Variants in NTN1 observed in about 807,000 individuals in gnomAD.
The protein encoded by NTN1 is netrin 1.
NTN1 carries 11 observed loss-of-function variants against 54.2 expected under a neutral mutation model. The ratio of observed to expected loss-of-function variants is 0.20; its 90% CI spans 0.13 to 0.34. The LOEUF (loss-of-function observed/expected upper bound fraction) is 0.34, where lower values mean the gene tolerates loss of function less well. NTN1 is among the 10% of genes least tolerant of loss of function. The probability of loss-of-function intolerance (pLI) is 1.00; values close to 1 mark genes in which losing one functional copy is unlikely to be tolerated. For synonymous variants in NTN1, 371 were observed against 382.0 expected, an observed-to-expected ratio of 0.97 and a Z score of 0.33; for missense variants, 740 against 893.1, an observed-to-expected ratio of 0.83 and a Z score of 2.18.
intron 2 of NTN1, among the ~76,000 whole-genome samples, chr17:9,127,076 G>T (rs904592035): frequency 3.4e-5 from 5 of 146,332 alleles, no homozygotes; most frequent in Middle Eastern, 3.3e-3. Flanking sequence ...AGGGCCGGGG[G>T]GGGGCAGGAC....
At position 9,243,778 on chromosome 17, in the gene NTN1, G is replaced by A. The variant is rs1212460787; in HGVS notation, c.*3810G>A. On this transcript the variant is annotated 3_prime_UTR_variant, in exon 7 of 7. Transcript: ENST00000173229. ...TGTTTAGTTGTGACCATGACGTATT[G>A]TTTGGGTCAATGTCCCTTTCCAATG... 1 of 150,978 alleles carries A rather than the reference G, an allele frequency of 6.6e-6. No homozygotes were observed. The highest frequency in any genetic ancestry group is 1.5e-5 in the Non-Finnish European group (1 of 67,904). 9.4% of individuals were successfully genotyped at this position (150,978 alleles called of 1,614,324 possible).
chr17:9,108,669 T>C (rs1228225202), intron 2 of NTN1, among the ~76,000 whole-genome samples: 1 of 152,150 alleles, frequency 6.6e-6, no homozygotes, highest in Non-Finnish European at 1.5e-5. Context: ...CTCAGGTCCA[T>C]CTCCAAATCC....
upstream of NTN1, among the ~76,000 whole-genome samples, chr17:9,021,285 C>T (rs1311240424): frequency 1.3e-5 from 2 of 151,944 alleles, no homozygotes; most frequent in African/African-American, 4.8e-5. Context: ...GGGGTTTCCC[C>T]GGGTGCTCTC....
intron 2 of NTN1, among the ~76,000 whole-genome samples, chr17:9,151,708 G>GGGGCCTCTAAGGC (rs2142289334): frequency 6.6e-6 from 1 of 152,346 alleles, no homozygotes; most frequent in African/African-American, 2.4e-5. Flanking sequence ...CTTGGCTTCA[G>GGGGCCTCTAAGGC]GGGCCTCTAA....
chr17:9,100,993 A>G (rs2092148780), intron 2 of NTN1, among the ~76,000 whole-genome samples: 1 of 152,128 alleles, frequency 6.6e-6, no homozygotes, highest in African/African-American at 2.4e-5. Context: ...TGTAGTTCAG[A>G]GTATCTCAAA....
intron 2 of NTN1, among the ~76,000 whole-genome samples, chr17:9,110,987 T>A (rs1248978173): frequency 7.2e-6 from 1 of 139,514 alleles, no homozygotes; most frequent in African/African-American, 2.8e-5. Flanking sequence ...CAGGCAGGAG[T>A]GCTGTGGCGC....
chr17:9,162,196 CGAGGGG>C (rs1597511403), intron 2 of NTN1, among the ~76,000 whole-genome samples: 1 of 152,016 alleles, frequency 6.6e-6, no homozygotes. Flanking sequence ...CCTCGGTGGA[CGAGGGG>C]GAGGGGGAGA....
chr17:9,185,593 G>T (rs540206266), intron 5 of NTN1, among the ~76,000 whole-genome samples: 249 of 151,808 alleles, frequency 1.6e-3, no homozygotes, highest in African/African-American at 5.7e-3. Context: ...GTCTGTGGGG[G>T]TCTGGGGCCG....
intron 2 of NTN1, among the ~76,000 whole-genome samples, chr17:9,152,984 G>T (rs1054822694): frequency 6.6e-6 from 1 of 152,114 alleles, no homozygotes; most frequent in African/African-American, 2.4e-5. Flanking sequence ...CACTCCAGGG[G>T]GCGGCCAGGT....
Position 9,212,235 on chromosome 17 carries a change from G to A in NTN1, c.1412-8933G>A, listed in dbSNP as rs1905122341. ...GAGGTGCTGTTGGTGAGGGTGGTAA[G>A]AAGGTGGTCTTACCTGGGGCAGGGT... is the stretch of plus-strand genomic sequence containing the variant. On this transcript the variant is annotated intron_variant, in intron 5 of 6. Coordinates refer to ENST00000173229, the MANE Select transcript of NTN1 (RefSeq NM_004822.3). The surrounding 1 kb of genome is among the most constrained non-coding windows in gnomAD (Gnocchi z 5.5). 6.6e-6 allele frequency among the ~76,000 whole-genome samples: 1 copy of A among 152,196 alleles called. No homozygotes were observed. Among genetic ancestry groups the A allele is most frequent in the Non-Finnish European group, 1.5e-5 (1 of 68,036 alleles).
chr17:9,227,657 TAC>T (rs1905636985), intron 6 of NTN1, among the ~76,000 whole-genome samples: 2 of 147,542 alleles, frequency 1.4e-5, no homozygotes, highest in African/African-American at 2.5e-5. Flanking sequence ...CACCATCACA[TAC>T]CACACACATC....
At chr17:9,102,585 T>C (rs1234732384) in intron 2 of NTN1, among the ~76,000 whole-genome samples, 1 of 152,234 alleles carries the variant, frequency 6.6e-6, no homozygotes, top group East Asian at 1.9e-4. Flanking sequence ...AAAGCTGACA[T>C]GTGCCCATCT....
chr17:9,054,508 C>G (rs2091971955), intron 2 of NTN1, among the ~76,000 whole-genome samples: 1 of 152,188 alleles, frequency 6.6e-6, no homozygotes, highest in Non-Finnish European at 1.5e-5. Flanking sequence ...ATTCATCTTG[C>G]CTTGTAGAGG....
chr17:9,072,098 G>A (rs76985969), intron 2 of NTN1, among the ~76,000 whole-genome samples: 5,177 of 152,264 alleles, frequency 0.034, 131 homozygotes, highest in Non-Finnish European at 0.049. Flanking sequence ...GCTGAGGTCT[G>A]GCAAGATGCT....
In NTN1 at chr17:9,071,744, A is replaced by G. The variant is rs560304976; in HGVS notation, c.1018+48353A>G. 7.9e-5 allele frequency among the ~76,000 whole-genome samples: 12 copies of G among 152,084 alleles called. 2 individuals are homozygous for G. The highest frequency in any genetic ancestry group is 2.9e-4 in the African/African-American group (12 of 41,488). On this transcript the variant is annotated intron_variant, in intron 2 of 6. Transcript: ENST00000173229. ...AGCTTGTCAAGTGGTGGCCGATGAC[A>G]CTTGTATTGTTTTCCCTACACCTTG... is the stretch of plus-strand genomic sequence containing the variant.
At position 9,133,749 on chromosome 17, in the gene NTN1, A is replaced by G. The variant is rs541973783; in HGVS notation, c.1019-29064A>G. On this transcript the variant is annotated intron_variant, in intron 2 of 6. Coordinates refer to ENST00000173229, the MANE Select transcript of NTN1 (RefSeq NM_004822.3). ...ATTACAGGTGCGCACCACCATGCCC[A>G]GCTAATTTTTTTTTTTTTTTTTTTT... 1.3e-4 allele frequency among the ~76,000 whole-genome samples: 15 copies of G among 118,154 alleles called. No homozygotes were observed. The East Asian group carries it at 2.8e-3, about 22-fold the overall frequency. 77.5% of individuals were successfully genotyped at this position (118,154 alleles called of 152,430 possible).
At chr17:9,070,610 A>T (rs72660227) in intron 2 of NTN1, among the ~76,000 whole-genome samples, 1,780 of 152,102 alleles carry the variant, frequency 0.012, 31 homozygotes, top group African/African-American at 0.04. Flanking sequence ...ATTTTTTTTG[A>T]GACAAAGTCT....
intron 2 of NTN1, among the ~76,000 whole-genome samples, chr17:9,063,672 C>T (rs1015571855): frequency 3.9e-5 from 6 of 152,042 alleles, no homozygotes; most frequent in Admixed American, 6.5e-5. Flanking sequence ...CTCAGCCTCC[C>T]GAGTAGCTGG....
intron 2 of NTN1, among the ~76,000 whole-genome samples, chr17:9,151,463 G>A (rs760730093): frequency 6.6e-6 from 1 of 152,282 alleles, no homozygotes; most frequent in East Asian, 1.9e-4. Flanking sequence ...TCCGGGCACT[G>A]AGGTTCCAAA....
Sources: gnomAD v4.1 joint callset for allele counts (sites outside exome capture counted in the v4.1 genomes callset) on GRCh38, gnomAD v4.1.1 for gene constraint, Gnocchi (gnomAD v3.1) non-coding constraint, MANE v1.5 for transcripts, NCBI Gene and HGNC (gene_info 2026-07-23, HGNC 2026-07-21) for gene names.